The following ANK3 variants were observed in gnomAD, a reference collection of about 807,000 sequenced individuals.
ANK3 encodes the protein ankyrin 3, also known as ankyrin-3.
A neutral mutation model predicts 370.9 loss-of-function variants in ANK3; 57 were observed. That is an observed-to-expected ratio of 0.15 (90% confidence interval 0.12 to 0.19). ANK3 has a LOEUF of 0.19. Ranked by LOEUF, ANK3 falls within the 10% of genes least tolerant of loss-of-function variation. The pLI is 1.00. For synonymous variants in ANK3, 1,929 were observed against 1,946.3 expected (o/e 0.99, Z 0.23); for missense variants, 4,439 against 5,302.1 (o/e 0.84, Z 5.06).
chr10:60,538,583 ATATACTC>A (rs2076775178), intron 2 of ANK3, among the ~76,000 whole-genome samples: 1 of 151,920 alleles, frequency 6.6e-6, no homozygotes, highest in Admixed American at 6.6e-5. Flanking sequence ...ACAAACATCT[ATATACTC>A]TATTCTATAT....
rs563101991 is a variant in ANK3 at position 60,701,079 on chromosome 10, G to C, written c.57+32184C>G. Reference sequence around the variant, plus strand: ...AATTTATAGAACAATAGAGAAAAAAGATATTGTTTAAAATGGTCTAAAGAA... The same window carrying C: ...AATTTATAGAACAATAGAGAAAAAACATATTGTTTAAAATGGTCTAAAGAA... On this transcript the variant is annotated intron_variant, in intron 1 of 43. Coordinates refer to the ANK3 transcript ENST00000373827. Among the ~76,000 whole-genome samples, 91 of 151,984 alleles carry C rather than the reference G, an allele frequency of 6.0e-4. 1 individual carries two copies. The highest frequency in any genetic ancestry group is 1.1e-3 in the Admixed American group (17 of 15,254).
At chr10:60,670,868 T>C (rs1380549889) in intron 1 of ANK3, among the ~76,000 whole-genome samples, 1 of 152,252 alleles carries the variant, frequency 6.6e-6, no homozygotes, top group Non-Finnish European at 1.5e-5. Context: ...ATTGATCAGT[T>C]GGGAGAAGTC....
chr10:60,605,592 G>A (rs1310974518), intron 2 of ANK3, among the ~76,000 whole-genome samples: 1 of 152,040 alleles, frequency 6.6e-6, no homozygotes, highest in Non-Finnish European at 1.5e-5. Flanking sequence ...TAAAGTCCAG[G>A]CCACCAAGGA....
At chr10:60,248,111 G>A (rs903912173) in intron 7 of ANK3, among the ~76,000 whole-genome samples, 1 of 152,078 alleles carries the variant, frequency 6.6e-6, no homozygotes, top group Non-Finnish European at 1.5e-5. Context: ...CCACCTTTTG[G>A]CTACTGTGAA....
At chr10:60,123,462 C>G (rs1265886441) in intron 25 of ANK3, among the ~76,000 whole-genome samples, 2 of 152,062 alleles carry the variant, frequency 1.3e-5, no homozygotes, top group East Asian at 3.9e-4. Flanking sequence ...AATAATTGTC[C>G]AGGCAGGGAA....
At chr10:60,729,502 G>A (rs979227822) in intron 1 of ANK3, among the ~76,000 whole-genome samples, 2 of 152,144 alleles carry the variant, frequency 1.3e-5, no homozygotes, top group Non-Finnish European at 2.9e-5. Flanking sequence ...CTTCAGTTCT[G>A]GCATTCAAAT....
intron 7 of ANK3, among the ~76,000 whole-genome samples, chr10:60,236,555 G>T (rs2097337743): frequency 6.6e-6 from 1 of 152,074 alleles, no homozygotes; most frequent in Non-Finnish European, 1.5e-5. Flanking sequence ...GTCCTCATGG[G>T]GAGTTGTTTA....
At chr10:60,646,365 T>C (rs1263959884) in intron 1 of ANK3, among the ~76,000 whole-genome samples, 1 of 152,054 alleles carries the variant, frequency 6.6e-6, no homozygotes, top group African/African-American at 2.4e-5. Context: ...TCTGGAGAAA[T>C]GTGGAGAAGG....
intron 2 of ANK3, among the ~76,000 whole-genome samples, chr10:60,527,532 A>AATCAG (rs1161628284): frequency 1.3e-5 from 2 of 152,142 alleles, no homozygotes; most frequent in African/African-American, 4.8e-5. Context: ...ACCTTAAGAA[A>AATCAG]ATCAGATTTT....
chr10:60,602,090 A>C (rs1349125230), intron 2 of ANK3, among the ~76,000 whole-genome samples: 1 of 152,148 alleles, frequency 6.6e-6, no homozygotes, highest in East Asian at 1.9e-4. Context: ...GCATTAATAC[A>C]GGGCTTACCA....
intron 2 of ANK3, among the ~76,000 whole-genome samples, chr10:60,400,037 T>G (rs1011820009): frequency 9.3e-6 from 1 of 107,988 alleles, no homozygotes; most frequent in Non-Finnish European, 2.2e-5. Flanking sequence ...TGTGTGTGTG[T>G]GTGTGTGTGT....
At chr10:60,298,045 C>G (rs1293306394) in intron 1 of ANK3, among the ~76,000 whole-genome samples, 1 of 152,056 alleles carries the variant, frequency 6.6e-6, no homozygotes, top group Non-Finnish European at 1.5e-5. Flanking sequence ...CAAAGATTTT[C>G]TATTTGGCAT....
intron 23 of ANK3, chr10:60,139,339 C>T: frequency 2.3e-6 from 1 of 438,746 alleles, no homozygotes; most frequent in South Asian, 4.9e-5. Context: ...AAACATTACC[C>T]GTATCCCTTT....
intron 25 of ANK3, among the ~76,000 whole-genome samples, chr10:60,120,649 A>C (rs2093412642): frequency 6.6e-6 from 1 of 152,210 alleles, no homozygotes; most frequent in African/African-American, 2.4e-5. Flanking sequence ...TCCAACTAAA[A>C]ATAGGCAAAA....
In ANK3 at chr10:60,688,947, C is replaced by CA. The variant is rs1461528167; in HGVS notation, c.57+44315dup. On this transcript the variant is annotated intron_variant, in intron 1 of 43. Coordinates refer to the ANK3 transcript ENST00000373827. Reference sequence around the variant, plus strand: ...TAGGCGACAGAGTGAGACTCCGTTTCAAAAAAAAGAAAAAAAAAAAAAAGA... The same window carrying CA: ...TAGGCGACAGAGTGAGACTCCGTTTCAAAAAAAAAGAAAAAAAAAAAAAAGA... Among the ~76,000 whole-genome samples the CA allele has an allele frequency of 1.5e-3, 180 of 119,220 alleles. 1 individual carries two copies. The highest frequency in any genetic ancestry group is 0.011 in the East Asian group (42 of 3,966). 78.2% of individuals were successfully genotyped at this position (119,220 alleles called of 152,430 possible).
At position 60,350,384 on chromosome 10, in the gene ANK3, G is replaced by A. The variant is rs895975705; in HGVS notation, c.114+39041C>T. Among the ~76,000 whole-genome samples, 4 of 152,112 alleles carry A rather than the reference G, an allele frequency of 2.6e-5. 1 individual carries two copies. The highest frequency in any genetic ancestry group is 1.3e-4 in the Admixed American group (2 of 15,258). On this transcript the variant is annotated intron_variant, in intron 1 of 43. Coordinates refer to ENST00000280772, the MANE Select transcript of ANK3 (RefSeq NM_020987.5). ...AAAGAGCTATGGTTTAAATAAATGT[G>A]GTTGAAAAACTTCAGGTCACGAAAA...
At chr10:60,054,864 A>T (rs1323165227) in intron 42 of ANK3, among the ~76,000 whole-genome samples, 1 of 152,226 alleles carries the variant, frequency 6.6e-6, no homozygotes, top group Non-Finnish European at 1.5e-5. Context: ...AAAAGCAGTA[A>T]AAAATGTAGG....
Position 60,512,608 on chromosome 10 carries a change from C to T in ANK3, c.96+102578G>A, listed in dbSNP as rs1404466636. Among the ~76,000 whole-genome samples the T allele has an allele frequency of 2.0e-5, 3 of 152,196 alleles. No individual in the cohort carries two copies. The East Asian group carries it at 5.8e-4, about 29-fold the overall frequency. ...GTCCAGGATGCTATCAATTTCCTGG[C>T]TTCAGACATTCTTACTCTCTTCATT... On this transcript the variant is annotated intron_variant, in intron 2 of 43. Coordinates refer to the ANK3 transcript ENST00000373827.
intron 2 of ANK3, among the ~76,000 whole-genome samples, chr10:60,469,627 A>G (rs1411799518): frequency 3.9e-4 from 2 of 5,170 alleles, no homozygotes; most frequent in African/African-American, 1.2e-3. Context: ...ATATGGTGGT[A>G]TATATATATA....
Sources: gnomAD v4.1 joint callset for allele counts (sites outside exome capture counted in the v4.1 genomes callset) on GRCh38, gnomAD v4.1.1 for gene constraint, MANE v1.5 for transcripts, NCBI Gene and HGNC (gene_info 2026-07-23, HGNC 2026-07-21) for gene names.